The following HMCN2 variants were observed in gnomAD, a reference collection of about 807,000 sequenced individuals.
The protein encoded by HMCN2 is hemicentin 2.
A neutral mutation model predicts 377.5 loss-of-function variants in HMCN2; 325 were observed. The observed-to-expected ratio is 0.86, with a 90% CI of 0.79 to 0.94. The LOEUF (loss-of-function observed/expected upper bound fraction) is 0.94. Ranked by LOEUF, HMCN2 falls within the 40% of genes least tolerant of loss-of-function variation. HMCN2 has a pLI of 0.00. For synonymous variants in HMCN2, 2,007 were observed against 2,046.8 expected, an observed-to-expected ratio of 0.98 and a Z score of 0.53; for missense variants, 4,543 against 4,725.3, an observed-to-expected ratio of 0.96 and a Z score of 1.13.
At chr9:130,421,956 A>G (rs1487604052) in intron 86 of HMCN2, among the ~76,000 whole-genome samples, 3 of 152,232 alleles carry the variant, frequency 2.0e-5, no homozygotes, top group Admixed American at 6.5e-5. Context: ...CATCTGCCTA[A>G]ACAAGACAGC....
Position 130,422,851 on chromosome 9 carries a change from A to G in HMCN2, c.13381+125A>G. 1 of 758,194 alleles carries G rather than the reference A, an allele frequency of 1.3e-6. No homozygotes were observed. The highest frequency in any genetic ancestry group is 3.4e-5 in the East Asian group (1 of 29,542). 47.0% of individuals were successfully genotyped at this position (758,194 alleles called of 1,614,324 possible). A position where few individuals can be genotyped will look rare whatever the true frequency, so the allele number is the denominator to read the frequency against. ...CCCGAGACTTGCTCAAGGCCTGATG[A>G]CCAGAGCACGTCTGACCATCTCTCA... is the stretch of plus-strand genomic sequence containing the variant. On this transcript the variant is annotated intron_variant, in intron 87 of 97. Coordinates refer to ENST00000683500, the MANE Select transcript of HMCN2 (RefSeq NM_001291815.2). This position sits in a 1 kb window ranked among gnomAD's most constrained non-coding sequence, Gnocchi z 4.2.
chr9:130,415,501 G>A (rs1262069112), intron 85 of HMCN2, among the ~76,000 whole-genome samples: 2 of 152,202 alleles, frequency 1.3e-5, no homozygotes, highest in Admixed American at 6.5e-5. Context: ...CACCATGCCC[G>A]GCTACTTTAT....
intron 22 of HMCN2, among the ~76,000 whole-genome samples, chr9:130,337,135 G>A (rs1413767832): frequency 6.6e-6 from 1 of 152,170 alleles, no homozygotes; most frequent in African/African-American, 2.4e-5. Flanking sequence ...AGCACATATG[G>A]CCCAGTGACA....
At chr9:130,330,540 C>T (rs1424999982) in intron 22 of HMCN2, among the ~76,000 whole-genome samples, 5 of 152,114 alleles carry the variant, frequency 3.3e-5, no homozygotes, top group East Asian at 1.9e-4. Flanking sequence ...CACACATAGA[C>T]GCACGCACAG....
At chr9:130,431,337 C>T in intron 95 of HMCN2, 30 bp from the exon 96 acceptor site, 3 of 1,544,080 alleles carry the variant, frequency 1.9e-6, no homozygotes, top group Non-Finnish European at 2.6e-6. Flanking sequence ...CCCCCATCCC[C>T]CACCTGCCCC....
intron 84 of HMCN2, among the ~76,000 whole-genome samples, chr9:130,410,012 C>T (rs994941891): frequency 6.6e-6 from 1 of 152,228 alleles, no homozygotes. Flanking sequence ...GTTAGGGAAA[C>T]GCTGCAAACG....
chr9:130,306,176 G>A lies in HMCN2; in HGVS notation c.1864G>A (p.Gly622Ser). 4.2e-6 allele frequency: 2 copies of A among 471,102 alleles called. No individual in the cohort carries two copies. The highest frequency in any genetic ancestry group is 8.8e-6 in the Non-Finnish European group (2 of 227,044). 29.2% of individuals were successfully genotyped at this position (471,102 alleles called of 1,614,324 possible). A position where few individuals can be genotyped will look rare whatever the true frequency, so the allele number is the denominator to read the frequency against. ...CACCAGCTCCCAGCACTTCTCCCAA[G>A]GTGTGGAGGTGAAGGTCAGCTGCTC... is the stretch of plus-strand genomic sequence containing the variant. The part of the protein sequence containing the change: ...IHTSSQHFSQ[G>S]VEVKVSCSAS... The change falls in exon 12 of 98, where the codon GGT (glycine) becomes AGT (serine). Residue 622 changes from glycine (G) to serine (S), a missense_variant. This residue lies in a region of HMCN2 where 547 missense variants were observed against 189.9 expected (regional missense o/e 2.88). Coordinates refer to ENST00000683500, the MANE Select transcript of HMCN2 (RefSeq NM_001291815.2).
intron 84 of HMCN2, 38 bp from the exon 85 acceptor site, chr9:130,410,533 T>C: frequency 6.5e-7 from 1 of 1,540,098 alleles, no homozygotes; most frequent in Non-Finnish European, 8.8e-7. Context: ...CATCTTCTTC[T>C]CTGAGCACCA....
Position 130,418,822 on chromosome 9 carries a change from G to T in HMCN2, c.13012G>T (p.Asp4338Tyr). The change falls in exon 86 of 98, where the codon GAT becomes TAT. Residue 4338 changes from aspartate (D) to tyrosine (Y), a missense_variant. Physicochemically the swap from Asp to Tyr is radical, Grantham distance 160. Around this residue, in one of 5 missense-constraint regions of HMCN2, gnomAD observed 1,155 missense variants for 1,157.7 expected, o/e 1.00. Coordinates refer to ENST00000683500, the MANE Select transcript of HMCN2 (RefSeq NM_001291815.2). ...CCAGGACATGACAGTGAGATCTGGG[G>T]ATGACGTGGCCCTGCGGTGCCAGGC... ...EPQDMTVRSG[D>Y]DVALRCQATG... is the part of the protein sequence containing the mutation. The T allele has an allele frequency of 2.0e-6, 3 of 1,528,848 alleles. No homozygotes were observed. The highest frequency in any genetic ancestry group is 2.6e-6 in the Non-Finnish European group (3 of 1,134,132). The allele number at this position is 1,528,848 out of a possible 1,614,324, so 94.7% of individuals were successfully genotyped here.
intron 97 of HMCN2, chr9:130,432,918 C>T (rs1844846917): frequency 5.5e-6 from 2 of 360,760 alleles, no homozygotes; most frequent in Non-Finnish European, 1.0e-5. Flanking sequence ...TTTCTCCCGG[C>T]GGGTGACCTG....
At chr9:130,348,505 G>C (rs889843233) in intron 26 of HMCN2, 40 bp from the exon 27 acceptor site, 6 of 1,298,326 alleles carry the variant, frequency 4.6e-6, no homozygotes, top group African/African-American at 1.5e-5. Flanking sequence ...TGGCTCTAAG[G>C]GGGCAGGGAA....
Position 130,385,567 on chromosome 9 carries a change from G to T in HMCN2, c.9114G>T (p.Pro3038=), listed in dbSNP as rs1038280730. 2.3e-6 allele frequency: 3 copies of T among 1,303,720 alleles called. No homozygotes were observed. In the South Asian group the frequency reaches 3.7e-5, roughly 16 times the overall value. The allele number at this position is 1,303,720 out of a possible 1,614,324, so 80.8% of individuals were successfully genotyped here. Residue 3038 remains proline, a synonymous_variant, in exon 60 of 98, where the codon CCG becomes CCT. Coordinates refer to ENST00000683500, the MANE Select transcript of HMCN2 (RefSeq NM_001291815.2). ...KLVQLSVLVP[P]AFRQAPRGPQ... is the part of the protein sequence containing the mutation. ...GCTATCTCCTGCCCCCAGTTCCCCC[G>T]GCCTTCAGGCAGGCTCCCAGAGGTC...
intron 41 of HMCN2, 71 bp downstream of exon 41, chr9:130,364,960 C>A (rs1394079767): frequency 3.3e-6 from 3 of 906,008 alleles, no homozygotes; most frequent in Non-Finnish European, 4.0e-6. Flanking sequence ...CTGCAGGTGC[C>A]CCAGCTCAGT....
intron 80 of HMCN2, among the ~76,000 whole-genome samples, chr9:130,404,480 C>T (rs1842993092): frequency 6.6e-6 from 1 of 152,230 alleles, no homozygotes; most frequent in Non-Finnish European, 1.5e-5. Context: ...CCTCACTCTG[C>T]CCAGCATAGC....
chr9:130,425,953 C>T (rs763470300), intron 90 of HMCN2, 29 bp downstream of exon 90: 3 of 1,501,322 alleles, frequency 2.0e-6, no homozygotes, highest in Non-Finnish European at 2.7e-6. Flanking sequence ...GTTCCACCCC[C>T]ACTGCCCCAG....
chr9:130,326,991 C>T (rs1357632199), intron 21 of HMCN2, among the ~76,000 whole-genome samples: 7 of 151,858 alleles, frequency 4.6e-5, no homozygotes, highest in Non-Finnish European at 8.8e-5. Flanking sequence ...CAGAATGTCC[C>T]TGGGGAAGGG....
At chr9:130,334,549 G>GTTTTTTT (rs1192246439) in intron 22 of HMCN2, among the ~76,000 whole-genome samples, 3 of 99,052 alleles carry the variant, frequency 3.0e-5, no homozygotes, top group Non-Finnish European at 3.8e-5. Context: ...ACTTTTGGAA[G>GTTTTTTT]TTTTTTTTTT....
At chr9:130,426,889 G>A (rs1844408807) in intron 90 of HMCN2, among the ~76,000 whole-genome samples, 1 of 151,874 alleles carries the variant, frequency 6.6e-6, no homozygotes, top group Non-Finnish European at 1.5e-5. Context: ...GATTTAGACT[G>A]CCTTGTGTCC....
chr9:130,369,357 C>A lies in HMCN2; in HGVS notation c.6788-213C>A, dbSNP rs149271929. Among the ~76,000 whole-genome samples, 85 of 152,344 alleles carry A rather than the reference C, an allele frequency of 5.6e-4. No homozygotes were observed. The East Asian group carries it at 0.016, about 29-fold the overall frequency. ...CACTTCCTGAAAGGGCTGTTCCCCA[C>A]ATAGCAGGCCTGCCTGTGACTCCCA... On this transcript the variant is annotated intron_variant, in intron 44 of 97. Transcript: ENST00000683500. This position sits in a 1 kb window ranked among gnomAD's most constrained non-coding sequence, Gnocchi z 4.5.
Sources: gnomAD v4.1 joint callset for allele counts (sites outside exome capture counted in the v4.1 genomes callset) on GRCh38, gnomAD v4.1.1 for gene constraint, gnomAD v4.1.1 regional missense constraint, Gnocchi (gnomAD v3.1) non-coding constraint, MANE v1.5 for transcripts, NCBI Gene and HGNC (gene_info 2026-07-23, HGNC 2026-07-21) for gene names.